Variants in MILR1 observed in about 807,000 individuals in gnomAD.
MILR1 encodes the protein allergin-1.
Under a neutral mutation model 18.5 loss-of-function variants are expected in MILR1, and 31 were observed. The ratio of observed to expected loss-of-function variants is 1.68; its 90% CI spans 1.26 to 2.26. MILR1 has a LOEUF of 2.26. Ranked by LOEUF, MILR1 falls within the 30% of genes most tolerant of loss-of-function variation. The pLI is 0.00. For synonymous variants in MILR1, 85 were observed against 56.2 expected (o/e 1.51, Z -2.30); for missense variants, 257 against 157.4 (o/e 1.63, Z -3.38).
At chr17:64,480,151 T>A in the MILR1 span, 2 of 257,492 alleles carry the variant, frequency 7.8e-6, no homozygotes, top group Non-Finnish European at 1.5e-5. Flanking sequence ...ATGCACATAG[T>A]TCTGTAAAAG....
chr17:64,478,513 A>G, the MILR1 span, among the ~76,000 whole-genome samples: 50 of 152,258 alleles, frequency 3.3e-4, no homozygotes, highest in African/African-American at 1.2e-3. Context: ...CTATCTCATT[A>G]CTGTTTATTT....
chr17:64,455,846 T>G (rs2037286351), intron 3 of MILR1, among the ~76,000 whole-genome samples: 1 of 151,606 alleles, frequency 6.6e-6, no homozygotes, highest in Non-Finnish European at 1.5e-5. Context: ...TCAAGACCAG[T>G]CTGGCCAACA....
At chr17:64,493,585 T>G in the MILR1 span, among the ~76,000 whole-genome samples, 26 of 152,048 alleles carry the variant, frequency 1.7e-4, no homozygotes, top group East Asian at 5.1e-3. Flanking sequence ...CCCGGGTTCA[T>G]GCCATTCTCC....
At chr17:64,452,547 C>A (rs1238964332) in intron 2 of MILR1, 50 bp from the exon 3 acceptor site, 2 of 412,544 alleles carry the variant, frequency 4.8e-6, no homozygotes, top group East Asian at 7.1e-5. Context: ...ACCACCTTGC[C>A]CGGCCAGGAT....
chr17:64,458,112 TTTCCTTCCTTCC>T (rs1216586374), intron 4 of MILR1, among the ~76,000 whole-genome samples: 1 of 150,838 alleles, frequency 6.6e-6, no homozygotes, highest in African/African-American at 2.5e-5. Flanking sequence ...CTTTCTTTCT[TTTCCTTCCTTCC>T]TTCCTTCCTT....
At position 64,468,626 on chromosome 17, in the gene MILR1, A is replaced by C; in HGVS notation, c.*345A>C. 8.9e-7 allele frequency: 1 copy of C among 1,127,920 alleles called. No individual in the cohort carries two copies. Among genetic ancestry groups the C allele is most frequent in the Middle Eastern group, 4.2e-4 (1 of 2,408 alleles). 69.9% of individuals were successfully genotyped at this position (1,127,920 alleles called of 1,614,324 possible). A position where few individuals can be genotyped will look rare whatever the true frequency, so the allele number is the denominator to read the frequency against. Reference sequence around the variant, plus strand: ...AGTAAATAAAGGGTCTCCAAGAATAAATTCATCCGAACATGCATCCTTCTC... The same window carrying C: ...AGTAAATAAAGGGTCTCCAAGAATACATTCATCCGAACATGCATCCTTCTC... On this transcript the variant is annotated 3_prime_UTR_variant, in exon 10 of 10. Transcript: ENST00000619286.
At chr17:64,496,449 C>T in the MILR1 span, 37 of 1,590,028 alleles carry the variant, frequency 2.3e-5, no homozygotes, top group Non-Finnish European at 2.7e-5. Flanking sequence ...GTTTTTAATA[C>T]GTTCTCAAGA....
At chr17:64,460,104 C>A (rs2037399272) in intron 4 of MILR1, among the ~76,000 whole-genome samples, 1 of 151,552 alleles carries the variant, frequency 6.6e-6, no homozygotes, top group East Asian at 1.9e-4. Context: ...CGGCTCATTG[C>A]AACCTCCGCC....
the MILR1 span, among the ~76,000 whole-genome samples, chr17:64,477,035 C>T: frequency 9.9e-5 from 15 of 152,208 alleles, no homozygotes; most frequent in African/African-American, 3.6e-4. Flanking sequence ...AAACAAACTA[C>T]AATATATGAC....
intron 3 of MILR1, among the ~76,000 whole-genome samples, chr17:64,456,398 C>G (rs1441122157): frequency 6.6e-6 from 1 of 151,966 alleles, no homozygotes; most frequent in East Asian, 1.9e-4. Flanking sequence ...TGTAGCAGAC[C>G]CATTTCCTGT....
In MILR1 at chr17:64,465,673, C is replaced by A. The variant is rs994282821; in HGVS notation, c.853+132C>A. 3 of 852,488 alleles carry A rather than the reference C, an allele frequency of 3.5e-6. No individual in the cohort carries two copies. In the African/African-American group the frequency reaches 5.1e-5, roughly 15 times the overall value. The allele number at this position is 852,488 out of a possible 1,614,324, so 52.8% of individuals were successfully genotyped here. Reference sequence around the variant, plus strand: ...AGTTCAATGTCTATTGATGCCCAGTCCCACTTTCTAGGGGTAATAACCAGT... The same window carrying A: ...AGTTCAATGTCTATTGATGCCCAGTACCACTTTCTAGGGGTAATAACCAGT... On this transcript the variant is annotated intron_variant, in intron 6 of 9. Coordinates refer to ENST00000619286, the MANE Select transcript of MILR1 (RefSeq NM_001085423.2).
chr17:64,472,280 A>G (rs1021502113), downstream of MILR1, among the ~76,000 whole-genome samples: 5 of 151,896 alleles, frequency 3.3e-5, no homozygotes, highest in African/African-American at 1.2e-4. Flanking sequence ...CAGCCTGTCC[A>G]ACACGGTGAA....
the MILR1 span, among the ~76,000 whole-genome samples, chr17:64,478,882 G>A: frequency 2.0e-5 from 3 of 152,078 alleles, no homozygotes; most frequent in Non-Finnish European, 2.9e-5. Flanking sequence ...GCGACAGTGC[G>A]AGACTCTGTC....
At position 64,457,509 on chromosome 17, in the gene MILR1, T is replaced by C. The variant is rs1279649927; in HGVS notation, c.477T>C (p.Thr159=). The C allele has an allele frequency of 1.3e-5, 6 of 475,280 alleles. No individual in the cohort carries two copies. Among genetic ancestry groups the C allele is most frequent in the Non-Finnish European group, 2.3e-5 (6 of 259,066 alleles). The allele number at this position is 475,280 out of a possible 1,614,324, so 29.4% of individuals were successfully genotyped here. A position where few individuals can be genotyped will look rare whatever the true frequency, so the allele number is the denominator to read the frequency against. ...ATGGCTCGCTGCCCATCAATTACAC[T>C]TTCTTTGAAAACCATGTTGCCATAT... ...SVNGSLPINY[T]FFENHVAISP... The change falls in exon 4 of 10, where the codon ACT becomes ACC. Residue 159 remains threonine, a synonymous_variant. Coordinates refer to ENST00000619286, the MANE Select transcript of MILR1 (RefSeq NM_001085423.2).
the MILR1 span, chr17:64,491,824 T>C: frequency 2.1e-6 from 1 of 466,582 alleles, no homozygotes. Flanking sequence ...AGCAACCTTC[T>C]TGGCTGCAAC....
downstream of MILR1, among the ~76,000 whole-genome samples, chr17:64,470,187 G>A (rs147116014): frequency 1.3e-3 from 203 of 152,224 alleles, 6 homozygotes; most frequent in East Asian, 0.037. Flanking sequence ...TCTGCCTCCC[G>A]GGTTCAAGCG....
At chr17:64,461,579 C>T (rs1340420298) in intron 5 of MILR1, among the ~76,000 whole-genome samples, 7 of 152,138 alleles carry the variant, frequency 4.6e-5, no homozygotes, top group South Asian at 2.1e-4. Context: ...ATTTTTTGTA[C>T]GCTCTTTTAA....
chr17:64,496,676 C>G, the MILR1 span: 1 of 1,614,074 alleles, frequency 6.2e-7, no homozygotes, highest in African/African-American at 1.3e-5. Flanking sequence ...GGGTCCGAAG[C>G]CGGGGTGGCA....
downstream of MILR1, among the ~76,000 whole-genome samples, chr17:64,473,295 G>C (rs1364771204): frequency 6.6e-6 from 1 of 151,000 alleles, no homozygotes; most frequent in Non-Finnish European, 1.5e-5. Flanking sequence ...AGCTTGCAGT[G>C]AGCCCAGATC....
Sources: gnomAD v4.1 joint callset for allele counts (sites outside exome capture counted in the v4.1 genomes callset) on GRCh38, gnomAD v4.1.1 for gene constraint, MANE v1.5 for transcripts, NCBI Gene and HGNC (gene_info 2026-07-23, HGNC 2026-07-21) for gene names.